RASAL1: variants seen among roughly 807,000 people sequenced by gnomAD.
RASAL1 encodes rasGAP-activating-like protein 1.
RASAL1 carries 72 observed loss-of-function variants against 96.6 expected under a neutral mutation model. The observed-to-expected ratio is 0.75, with a 90% CI of 0.62 to 0.91. The LOEUF is 0.91. Ranked by LOEUF, RASAL1 falls within the 40% of genes least tolerant of loss-of-function variation. The pLI, the probability that RASAL1 is intolerant of heterozygous loss-of-function variation, is 0.00. For synonymous variants in RASAL1, 405 were observed against 430.4 expected, an observed-to-expected ratio of 0.94 and a Z score of 0.73; for missense variants, 1,016 against 1,072.5, an observed-to-expected ratio of 0.95 and a Z score of 0.74.
At chr12:113,105,581 G>A (rs1196283703) in intron 16 of RASAL1, 133 bp downstream of exon 16, 19 of 977,352 alleles carry the variant, frequency 1.9e-5, no homozygotes, top group Admixed American at 2.6e-5. Context: ...CTGAGAGTTT[G>A]TCGTTGTTAA....
chr12:113,113,060 T>C (rs1950932211), intron 12 of RASAL1, among the ~76,000 whole-genome samples: 1 of 152,226 alleles, frequency 6.6e-6, no homozygotes, highest in African/African-American at 2.4e-5. Flanking sequence ...ATCGTCAGTG[T>C]TCAGCCCAGA....
chr12:113,104,340 G>T, intron 16 of RASAL1, 42 bp from the exon 17 acceptor site: 2 of 1,523,404 alleles, frequency 1.3e-6, no homozygotes, highest in East Asian at 2.5e-5. Context: ...CTGGGGGCTA[G>T]GGCCGGGGTG....
chr12:113,108,343 G>A lies in RASAL1; in HGVS notation c.1375-121C>T, dbSNP rs1592899967. On this transcript the variant is annotated intron_variant, in intron 13 of 20. Coordinates refer to ENST00000548055, the MANE Select transcript of RASAL1 (RefSeq NM_001301202.2). ...AGAAGTAGGATGGGGAATTGACCAG[G>A]AAGCCACACCGGCTGGCCGAGGAAG... 36 of 1,221,550 alleles carry A rather than the reference G, an allele frequency of 2.9e-5. No homozygotes were observed. In the South Asian group the frequency reaches 5.6e-4, roughly 19 times the overall value. The allele number at this position is 1,221,550 out of a possible 1,614,324, so 75.7% of individuals were successfully genotyped here.
rs1032246485 is a variant in RASAL1 at position 113,129,143 on chromosome 12, C to T, written c.123-965G>A. Among the ~76,000 whole-genome samples, 3 of 152,188 alleles carry T rather than the reference C, an allele frequency of 2.0e-5. No homozygotes were observed. The highest frequency in any genetic ancestry group is 1.9e-4 in the East Asian group (1 of 5,192). On this transcript the variant is annotated intron_variant, in intron 2 of 20. Coordinates refer to ENST00000548055, the MANE Select transcript of RASAL1 (RefSeq NM_001301202.2). The surrounding 1 kb of genome is among the most constrained non-coding windows in gnomAD (Gnocchi z 5.0). ...CACAGACCCCCCTTCCACAAGCAGG[C>T]GCTCTCTCCCAGCAATTAGGACATG...
intron 12 of RASAL1, among the ~76,000 whole-genome samples, chr12:113,114,025 G>C (rs1169497730): frequency 7.9e-5 from 12 of 152,324 alleles, no homozygotes; most frequent in Admixed American, 7.8e-4. Context: ...AATGCTTGTG[G>C]AGCACATGCA....
intron 18 of RASAL1, chr12:113,102,977 C>G (rs1950503368): frequency 5.0e-6 from 1 of 199,618 alleles, no homozygotes; most frequent in African/African-American, 2.4e-5. Context: ...TGCTTAACTT[C>G]TGCTCTACTC....
rs1319373419 is a variant in RASAL1 at position 113,102,035 on chromosome 12, A to T, written c.2105-26T>A. ...CTGAGGGAACACAGCTTCATTCATC[A>T]GTAACTCCCTCTCCCCTTCCAGAAG... On this transcript the variant is annotated intron_variant, in intron 18 of 20. Transcript: ENST00000548055. 4 of 1,606,220 alleles carry T rather than the reference A, an allele frequency of 2.5e-6. No homozygotes were observed. In the African/African-American group the frequency reaches 4.0e-5, roughly 16 times the overall value.
Position 113,115,190 on chromosome 12 carries a change from A to C in RASAL1, c.1068+10T>G, listed in dbSNP as rs1315672577. The C allele has an allele frequency of 6.2e-7, 1 of 1,611,062 alleles. No homozygotes were observed. Among genetic ancestry groups the C allele is most frequent in the South Asian group, 1.1e-5 (1 of 90,988 alleles). The stretch of plus-strand genomic sequence containing the variant: ...GCTGCGCCTGGTCCCGCAGGCCTTC[A>C]CCTACTCACCTTCATAAACTGTTCC... On this transcript the variant is annotated intron_variant, in intron 11 of 20. Transcript: ENST00000548055. The surrounding 1 kb of genome is among the most constrained non-coding windows in gnomAD (Gnocchi z 4.1).
intron 13 of RASAL1, among the ~76,000 whole-genome samples, chr12:113,108,770 G>A (rs1358253670): frequency 2.6e-5 from 4 of 152,118 alleles, no homozygotes; most frequent in Non-Finnish European, 4.4e-5. Flanking sequence ...AGTCTGCACA[G>A]CCATAAGCGG....
chr12:113,107,518 G>A, intron 14 of RASAL1: 1 of 558,964 alleles, frequency 1.8e-6, no homozygotes, highest in South Asian at 1.5e-5. Context: ...AGCTACTCCA[G>A]AAGCTGAGGT....
At position 113,127,982 on chromosome 12, in the gene RASAL1, G is replaced by C. The variant is rs540648741; in HGVS notation, c.236+83C>G. 8,331 of 1,557,256 alleles carry C rather than the reference G, an allele frequency of 5.3e-3. 26 individuals carry two copies. The highest frequency in any genetic ancestry group is 6.4e-3 in the Non-Finnish European group (7,198 of 1,132,292). ...TGGGTGGGAGGGCACACCCTCGTGG[G>C]CTGTGGACCCACATCCCCTCTCCCC... On this transcript the variant is annotated intron_variant, in intron 3 of 20. Transcript: ENST00000548055.
chr12:113,124,852 G>C (rs1425912680), intron 4 of RASAL1, among the ~76,000 whole-genome samples: 1 of 152,218 alleles, frequency 6.6e-6, no homozygotes, highest in Non-Finnish European at 1.5e-5. Context: ...TCAATAAATG[G>C]TATTGAGACA....
At position 113,112,204 on chromosome 12, in the gene RASAL1, A is replaced by T; in HGVS notation, c.1256T>A (p.Leu419Gln). Residue 419 changes from leucine to glutamine, a missense_variant, in exon 13 of 21, where the codon CTG becomes CAG. By Grantham distance (113) the Leu-to-Gln change is moderately radical. Coordinates refer to ENST00000548055, the MANE Select transcript of RASAL1 (RefSeq NM_001301202.2). ...ETSLGLLTGY[L>Q]GPIVDAIVGS... Reference sequence around the variant, plus strand: ...CACGATGGCGTCCACGATGGGCCCCAGGTAGCCCGTCAGCAGCCCCAGGCT... The same window carrying T: ...CACGATGGCGTCCACGATGGGCCCCTGGTAGCCCGTCAGCAGCCCCAGGCT... 1 of 1,263,012 alleles carries T rather than the reference A, an allele frequency of 7.9e-7. No homozygotes were observed. Among genetic ancestry groups the T allele is most frequent in the Admixed American group, 3.9e-5 (1 of 25,340 alleles). 78.2% of individuals were successfully genotyped at this position (1,263,012 alleles called of 1,614,324 possible). A position where few individuals can be genotyped will look rare whatever the true frequency, so the allele number is the denominator to read the frequency against.
Position 113,100,547 on chromosome 12 carries a change from C to T in RASAL1, c.2278+81G>A. On this transcript the variant is annotated intron_variant, in intron 20 of 20. Transcript: ENST00000548055. The stretch of plus-strand genomic sequence containing the variant: ...CTCCTGACCTCAAGTGATCCACCCA[C>T]CTCGGCCTCCCAAAGTGCTGGGATT... 4.8e-6 allele frequency: 6 copies of T among 1,254,930 alleles called. No individual in the cohort carries two copies. The East Asian group carries it at 1.0e-4, about 21-fold the overall frequency. 77.7% of individuals were successfully genotyped at this position (1,254,930 alleles called of 1,614,324 possible). A position where few individuals can be genotyped will look rare whatever the true frequency, so the allele number is the denominator to read the frequency against.
Position 113,112,081 on chromosome 12 carries a change from C to T in RASAL1, c.1374+5G>A, listed in dbSNP as rs1313364352. The T allele has an allele frequency of 8.1e-7, 1 of 1,239,158 alleles. No individual in the cohort carries two copies. 76.8% of individuals were successfully genotyped at this position (1,239,158 alleles called of 1,614,324 possible). ...CCCCAGCCTCAGCCTCCCATCCTGG[C>T]GCACCTGGTGCTCGGCCTGGGGGAA... On this transcript the variant is annotated splice_donor_5th_base_variant and intron_variant, in intron 13 of 20. Transcript: ENST00000548055.
At chr12:113,134,322 GA>G (rs1389356954) in intron 1 of RASAL1, among the ~76,000 whole-genome samples, 1 of 152,168 alleles carries the variant, frequency 6.6e-6, no homozygotes, top group African/African-American at 2.4e-5. Context: ...AATCAGGCAG[GA>G]AAGTCCTCTC....
chr12:113,099,876 G>A lies in RASAL1; in HGVS notation c.*53C>T. On this transcript the variant is annotated 3_prime_UTR_variant, in exon 21 of 21. Coordinates refer to ENST00000548055, the MANE Select transcript of RASAL1 (RefSeq NM_001301202.2). Reference sequence around the variant, plus strand: ...GGAGACTCCCGGGGCAGGATGCGCTGAAGAGGGCCCCCTGGCTCTTGCTCC... The same window carrying A: ...GGAGACTCCCGGGGCAGGATGCGCTAAAGAGGGCCCCCTGGCTCTTGCTCC... 1.9e-6 allele frequency: 3 copies of A among 1,573,248 alleles called. No individual in the cohort carries two copies. The highest frequency in any genetic ancestry group is 2.6e-6 in the Non-Finnish European group (3 of 1,155,862).
chr12:113,115,579 C>G lies in RASAL1; in HGVS notation c.1003+56G>C. 6.3e-7 allele frequency: 1 copy of G among 1,589,066 alleles called. No homozygotes were observed. Among genetic ancestry groups the G allele is most frequent in the Non-Finnish European group, 8.6e-7 (1 of 1,167,098 alleles). On this transcript the variant is annotated intron_variant, in intron 10 of 20. Transcript: ENST00000548055. This position sits in a 1 kb window ranked among gnomAD's most constrained non-coding sequence, Gnocchi z 4.1. The stretch of plus-strand genomic sequence containing the variant: ...GCCTCCCCATTCCTCCCCCAGGACC[C>G]TCCTGCAAGCCCACCATTGAGGGCG...
At chr12:113,127,488 A>G (rs1951528439) in intron 4 of RASAL1, among the ~76,000 whole-genome samples, 1 of 152,072 alleles carries the variant, frequency 6.6e-6, no homozygotes, top group Admixed American at 6.5e-5. Flanking sequence ...TCTATAAGAT[A>G]TTTCTGAAAA....
Sources: allele counts gnomAD v4.1 joint callset (sites outside exome capture counted in the v4.1 genomes callset), GRCh38; gene constraint gnomAD v4.1.1; non-coding constraint Gnocchi (gnomAD v3.1); transcripts MANE v1.5; gene names NCBI Gene and HGNC (gene_info 2026-07-23, HGNC 2026-07-21).